SH3RF3: variants seen among roughly 807,000 people sequenced by gnomAD.
The protein encoded by SH3RF3 is E3 ubiquitin-protein ligase SH3RF3.
In SH3RF3, 29 loss-of-function variants were observed where a neutral mutation model predicts 66.3. The observed-to-expected ratio is 0.44, with a 90% confidence interval of 0.33 to 0.60. The LOEUF is 0.60. Among genes scored for constraint, SH3RF3 ranks in the 20% least tolerant of loss-of-function variants. The probability of loss-of-function intolerance (pLI) is 0.04; values close to 1 mark genes in which losing one functional copy is unlikely to be tolerated. For missense variants in SH3RF3, 1,194 were observed against 1,190.9 expected (o/e 1.00, Z -0.04); for synonymous variants, 583 against 532.0 (o/e 1.10, Z -1.32).
intron 8 of SH3RF3, among the ~76,000 whole-genome samples, chr2:109,468,416 C>A (rs1376380995): frequency 2.0e-5 from 3 of 152,290 alleles, no homozygotes; most frequent in Non-Finnish European, 4.4e-5. Flanking sequence ...CTTATAAGAC[C>A]CCCATTGTGA....
chr2:109,483,756 C>T (rs1678893720), intron 8 of SH3RF3, among the ~76,000 whole-genome samples: 1 of 152,194 alleles, frequency 6.6e-6, no homozygotes, highest in Non-Finnish European at 1.5e-5. Flanking sequence ...AGTCCTTCGA[C>T]CTGCTGTCTC....
In SH3RF3 at chr2:109,332,147, C is replaced by T. The variant is rs186123003; in HGVS notation, c.574-15527C>T. 4.0e-3 allele frequency among the ~76,000 whole-genome samples: 605 copies of T among 152,286 alleles called. 8 individuals are homozygous for T. Among genetic ancestry groups the T allele is most frequent in the Non-Finnish European group, 5.6e-3 (378 of 68,022 alleles). On this transcript the variant is annotated intron_variant, in intron 1 of 9. Transcript: ENST00000309415. Reference sequence around the variant, plus strand: ...CTGCTGGTAAAGAGCACCAGAGAGGCGCTTTACCCATGAGAGGGAAGCATC... The same window carrying T: ...CTGCTGGTAAAGAGCACCAGAGAGGTGCTTTACCCATGAGAGGGAAGCATC...
intron 1 of SH3RF3, among the ~76,000 whole-genome samples, chr2:109,242,420 C>T (rs1051013766): frequency 6.6e-6 from 1 of 152,138 alleles, no homozygotes; most frequent in Non-Finnish European, 1.5e-5. Context: ...TAGAGCAGCC[C>T]GTGCCTAGAG....
intron 5 of SH3RF3, among the ~76,000 whole-genome samples, chr2:109,421,784 A>G (rs1208461645): frequency 6.6e-6 from 1 of 152,224 alleles, no homozygotes; most frequent in Non-Finnish European, 1.5e-5. Context: ...CAGGTGACAC[A>G]GTGGCCCTCC....
chr2:109,147,514 G>A lies in SH3RF3; in HGVS notation c.573+17401G>A, dbSNP rs192223969. On this transcript the variant is annotated intron_variant, in intron 1 of 9. Transcript: ENST00000309415. ...CAGATCTGATAAGAAGCCCACACTT[G>A]AAGGAATTAGCACTAAATGGAATGC... Among the ~76,000 whole-genome samples, 854 of 152,290 alleles carry A rather than the reference G, an allele frequency of 5.6e-3. 8 individuals are homozygous for A. Among genetic ancestry groups the A allele is most frequent in the South Asian group, 8.3e-3 (40 of 4,820 alleles).
At chr2:109,441,503 C>T (rs545017467) in intron 7 of SH3RF3, among the ~76,000 whole-genome samples, 6 of 152,086 alleles carry the variant, frequency 3.9e-5, no homozygotes, top group Admixed American at 3.9e-4. Context: ...GAAAGTGGAA[C>T]ACAGAGATAA....
Position 109,490,755 on chromosome 2 carries a change from C to G in SH3RF3, c.2299C>G (p.Leu767Val), listed in dbSNP as rs1269755893. 3.3e-6 allele frequency: 5 copies of G among 1,536,594 alleles called. No homozygotes were observed. In the Admixed American group the frequency reaches 9.8e-5, roughly 30 times the overall value. ...TGCAGTGGGCCCCGAAGTGTCCTCACTGTCCATCCACGGCAGGGCAGGGTC... is the reference window on the plus strand; with the variant it reads ...TGCAGTGGGCCCCGAAGTGTCCTCAGTGTCCATCCACGGCAGGGCAGGGTC... ...QGAVGPEVSS[L>V]SIHGRAGSCP... Residue 767 changes from leucine to valine, a missense_variant, in exon 9 of 10, where the codon CTG (leucine) becomes GTG (valine). Physicochemically the swap from Leu to Val is conservative, Grantham distance 32 (BLOSUM62 1). Transcript: ENST00000309415.
intron 1 of SH3RF3, among the ~76,000 whole-genome samples, chr2:109,296,582 G>A (rs1681313977): frequency 6.6e-6 from 1 of 152,124 alleles, no homozygotes; most frequent in Admixed American, 6.5e-5. Context: ...CATGATTCCT[G>A]CCCCTCCTTA....
chr2:109,433,118 C>T (rs183015296), intron 6 of SH3RF3, among the ~76,000 whole-genome samples: 1 of 152,114 alleles, frequency 6.6e-6, no homozygotes. Flanking sequence ...TGTGCACGTG[C>T]GTATGCATAC....
rs1047827658 is a variant in SH3RF3, at chr2:109,318,709, G to T, written c.574-28965G>T. Among the ~76,000 whole-genome samples the T allele has an allele frequency of 3.3e-5, 5 of 152,118 alleles. No individual in the cohort carries two copies. In the East Asian group the frequency reaches 7.7e-4, roughly 24 times the overall value. The stretch of plus-strand genomic sequence containing the variant: ...TCAGATCATGCCCTGGCCAGAATCC[G>T]GGGCTGCCCTGGCCAGCCGCCAGAT... On this transcript the variant is annotated intron_variant, in intron 1 of 9. Coordinates refer to ENST00000309415, the MANE Select transcript of SH3RF3 (RefSeq NM_001099289.3).
Position 109,449,243 on chromosome 2 carries a change from A to T in SH3RF3, c.1902A>T (p.Pro634=). 1 of 1,612,598 alleles carries T rather than the reference A, an allele frequency of 6.2e-7. No homozygotes were observed. The highest frequency in any genetic ancestry group is 1.3e-5 in the African/African-American group (1 of 74,886). The change falls in exon 8 of 10, where the codon CCA becomes CCT. Residue 634 remains proline (P), a synonymous_variant. Coordinates refer to ENST00000309415, the MANE Select transcript of SH3RF3 (RefSeq NM_001099289.3). The part of the protein sequence containing the change: ...TVSPLRTQNS[P]SRLPATSLRP... ...CACCCCTGCGCACCCAGAACTCTCC[A>T]TCCCGCCTGCCTGCCACCAGCCTCA...
At chr2:109,294,589 TAAA>T (rs35974168) in intron 1 of SH3RF3, among the ~76,000 whole-genome samples, 1 of 141,414 alleles carries the variant, frequency 7.1e-6, no homozygotes. Flanking sequence ...AAAAAAAAGG[TAAA>T]AAAAAAAAAA....
At chr2:109,409,470 T>G (rs1278318883) in intron 4 of SH3RF3, among the ~76,000 whole-genome samples, 2 of 152,138 alleles carry the variant, frequency 1.3e-5, no homozygotes, top group Admixed American at 1.3e-4. Flanking sequence ...CTGGGCCAGA[T>G]CCAACCTGTG....
In SH3RF3 at chr2:109,339,185, G is replaced by A. The variant is rs117069600; in HGVS notation, c.574-8489G>A. ...GAGGTGGACGGGTAGGCAGAGAAGGGAGGCACACTCGGTATAACTTTTATT... is the reference window on the plus strand; with the variant it reads ...GAGGTGGACGGGTAGGCAGAGAAGGAAGGCACACTCGGTATAACTTTTATT... On this transcript the variant is annotated intron_variant, in intron 1 of 9. Transcript: ENST00000309415. Among the ~76,000 whole-genome samples, 1,325 of 151,300 alleles carry A rather than the reference G, an allele frequency of 8.8e-3. 15 individuals carry two copies. Among genetic ancestry groups the A allele is most frequent in the East Asian group, 0.044 (225 of 5,080 alleles).
At chr2:109,453,333 G>A (rs1462982768) in intron 8 of SH3RF3, among the ~76,000 whole-genome samples, 1 of 150,214 alleles carries the variant, frequency 6.7e-6, no homozygotes, top group African/African-American at 2.5e-5. Context: ...CTCAAATCTG[G>A]TTTTAAAAGG....
chr2:109,408,506 G>A (rs552496427), intron 4 of SH3RF3, among the ~76,000 whole-genome samples: 36 of 152,298 alleles, frequency 2.4e-4, no homozygotes, highest in African/African-American at 8.2e-4. Context: ...CGAGAAAAAC[G>A]GGGTCCCACA....
chr2:109,388,668 G>A lies in SH3RF3; in HGVS notation c.946-9922G>A, dbSNP rs147712330. ...CATGGAATAGGTGTTTATCGAGCATGTACTTTGCCCCCAGCACTAAACATT... is the reference window on the plus strand; with the variant it reads ...CATGGAATAGGTGTTTATCGAGCATATACTTTGCCCCCAGCACTAAACATT... On this transcript the variant is annotated intron_variant, in intron 3 of 9. Coordinates refer to ENST00000309415, the MANE Select transcript of SH3RF3 (RefSeq NM_001099289.3). Among the ~76,000 whole-genome samples, 314 of 152,340 alleles carry A rather than the reference G, an allele frequency of 2.1e-3. 5 individuals are homozygous for A. Among genetic ancestry groups the A allele is most frequent in the African/African-American group, 7.2e-3 (298 of 41,572 alleles).
chr2:109,316,998 C>T (rs1487249905), intron 1 of SH3RF3, among the ~76,000 whole-genome samples: 2 of 152,032 alleles, frequency 1.3e-5, no homozygotes, highest in Non-Finnish European at 1.5e-5. Context: ...CTTTTTATCA[C>T]TGAATAACAC....
In SH3RF3 at chr2:109,391,221, C is replaced by G. The variant is rs113325364; in HGVS notation, c.946-7369C>G. On this transcript the variant is annotated intron_variant, in intron 3 of 9. Transcript: ENST00000309415. ...TTTGTGCAGTGCAGGTCTGCACCTG[C>G]GTTTTAAACTTCAGTTATCCGAATA... 2.6e-3 allele frequency among the ~76,000 whole-genome samples: 390 copies of G among 152,360 alleles called. 2 individuals carry two copies. Among genetic ancestry groups the G allele is most frequent in the African/African-American group, 8.9e-3 (370 of 41,590 alleles).
Sources: allele counts gnomAD v4.1 joint callset (sites outside exome capture counted in the v4.1 genomes callset), GRCh38; gene constraint gnomAD v4.1.1; transcripts MANE v1.5; gene names NCBI Gene and HGNC (gene_info 2026-07-23, HGNC 2026-07-21).